PDE4D: variants seen among roughly 807,000 people sequenced by gnomAD.
PDE4D encodes phosphodiesterase 4D, also known as 3',5'-cyclic-AMP phosphodiesterase 4D.
Under a neutral mutation model 87.4 loss-of-function variants are expected in PDE4D, and 24 were observed. The ratio of observed to expected loss-of-function variants is 0.27; its 90% CI spans 0.20 to 0.39. PDE4D has a LOEUF of 0.39. PDE4D is among the 10% of genes least tolerant of loss of function. The pLI is 1.00. For missense variants in PDE4D, 714 were observed against 1,041.0 expected, an observed-to-expected ratio of 0.69 and a Z score of 4.32; for synonymous variants, 384 against 383.2, an observed-to-expected ratio of 1.00 and a Z score of -0.02.
chr5:59,331,913 C>T (rs577724397), intron 1 of PDE4D, among the ~76,000 whole-genome samples: 5 of 152,320 alleles, frequency 3.3e-5, no homozygotes, highest in African/African-American at 1.2e-4. Flanking sequence ...CAGCTTTTCT[C>T]AGTCTGAGAT....
intron 1 of PDE4D, among the ~76,000 whole-genome samples, chr5:59,443,209 C>G (rs2153637000): frequency 6.6e-6 from 1 of 152,176 alleles, no homozygotes; most frequent in East Asian, 1.9e-4. Context: ...TAAACTAATT[C>G]AGTTTACACA....
intron 1 of PDE4D, among the ~76,000 whole-genome samples, chr5:59,247,133 T>C (rs546165603): frequency 2.4e-4 from 37 of 152,306 alleles, no homozygotes; most frequent in Non-Finnish European, 3.2e-4. Context: ...CACAGTCTAA[T>C]TGAAATAAAT....
intron 1 of PDE4D, among the ~76,000 whole-genome samples, chr5:59,464,139 T>TGTG (rs1349552981): frequency 6.6e-6 from 1 of 152,124 alleles, no homozygotes; most frequent in East Asian, 1.9e-4. Context: ...TTTCTCCCCA[T>TGTG]GTGATAGTCT....
intron 5 of PDE4D, among the ~76,000 whole-genome samples, chr5:59,152,979 T>C (rs747803615): frequency 6.6e-6 from 1 of 152,054 alleles, no homozygotes; most frequent in African/African-American, 2.4e-5. Flanking sequence ...AGATAAAGTA[T>C]GAGAAAGAGA....
intron 1 of PDE4D, among the ~76,000 whole-genome samples, chr5:59,414,386 A>T (rs1318726789): frequency 6.6e-6 from 1 of 152,218 alleles, no homozygotes; most frequent in Non-Finnish European, 1.5e-5. Context: ...AGTCTTCATC[A>T]TGGAAGAGGG....
intron 1 of PDE4D, among the ~76,000 whole-genome samples, chr5:59,618,245 C>T (rs957872050): frequency 5.3e-5 from 8 of 152,032 alleles, no homozygotes; most frequent in Admixed American, 1.3e-4. Flanking sequence ...GGCAGACATC[C>T]TTTTAAAAGA....
intron 1 of PDE4D, among the ~76,000 whole-genome samples, chr5:59,439,942 T>C (rs892317054): frequency 1.3e-5 from 2 of 152,202 alleles, no homozygotes; most frequent in Admixed American, 6.5e-5. Flanking sequence ...ATACCTTCAA[T>C]AGATATTAGC....
intron 5 of PDE4D, among the ~76,000 whole-genome samples, chr5:59,145,735 G>T (rs1419220874): frequency 2.0e-5 from 3 of 152,144 alleles, no homozygotes; most frequent in Non-Finnish European, 4.4e-5. Context: ...ATAATTCCAT[G>T]TCTGCGAAAT....
At chr5:60,066,890 T>C (rs1159672701) in intron 2 of PDE4D, among the ~76,000 whole-genome samples, 2 of 152,126 alleles carry the variant, frequency 1.3e-5, no homozygotes, top group East Asian at 3.9e-4. Context: ...ATACAGCATT[T>C]TACTGTCACA....
rs138592123 is a variant in PDE4D, at chr5:59,800,808, C to T, written c.455+92360G>A. Among the ~76,000 whole-genome samples, 39 of 152,214 alleles carry T rather than the reference C, an allele frequency of 2.6e-4. No individual in the cohort carries two copies. The East Asian group carries it at 6.8e-3, about 26-fold the overall frequency. On this transcript the variant is annotated intron_variant, in intron 1 of 14. Transcript: ENST00000340635. The stretch of plus-strand genomic sequence containing the variant: ...TTCTAAGACTCACTTTCTAAAAATA[C>T]GCAAATATGTAAATTGTTGCTCTTC...
chr5:60,299,725 A>G (rs1266703791), intron 1 of PDE4D, among the ~76,000 whole-genome samples: 2 of 152,314 alleles, frequency 1.3e-5, no homozygotes, highest in East Asian at 3.9e-4. Context: ...TGCAAAGGAC[A>G]TGAACTCATC....
chr5:59,208,026 G>T (rs954352633), intron 2 of PDE4D, among the ~76,000 whole-genome samples: 1 of 151,840 alleles, frequency 6.6e-6, no homozygotes, highest in African/African-American at 2.4e-5. Flanking sequence ...AATCAGCCAG[G>T]CACGGTGGCA....
intron 1 of PDE4D, among the ~76,000 whole-genome samples, chr5:59,863,002 T>C (rs1746503072): frequency 6.6e-6 from 1 of 152,198 alleles, no homozygotes; most frequent in Non-Finnish European, 1.5e-5. Context: ...AGCAGTATAT[T>C]TTCTAGGGAG....
chr5:59,545,153 C>A (rs1817049544), intron 1 of PDE4D, among the ~76,000 whole-genome samples: 1 of 152,076 alleles, frequency 6.6e-6, no homozygotes, highest in East Asian at 1.9e-4. Context: ...CTTTTATTTG[C>A]CAGTCTTCCT....
intron 1 of PDE4D, among the ~76,000 whole-genome samples, chr5:59,786,150 G>A (rs1385285810): frequency 6.6e-6 from 1 of 152,110 alleles, no homozygotes; most frequent in African/African-American, 2.4e-5. Flanking sequence ...GCATACATGT[G>A]TCTGGAAAGT....
chr5:60,110,822 C>CA (rs900581726), intron 2 of PDE4D, among the ~76,000 whole-genome samples: 1 of 151,984 alleles, frequency 6.6e-6, no homozygotes, highest in African/African-American at 2.4e-5. Context: ...TATTCAGCCA[C>CA]AAAAAGATAA....
intron 3 of PDE4D, among the ~76,000 whole-genome samples, chr5:59,944,796 C>T (rs1029393723): frequency 6.6e-6 from 1 of 152,078 alleles, no homozygotes; most frequent in African/African-American, 2.4e-5. Flanking sequence ...TCTTCCTTTC[C>T]CCTTTCTACT....
chr5:59,012,416 T>G (rs1410511875), intron 6 of PDE4D, among the ~76,000 whole-genome samples: 2 of 152,116 alleles, frequency 1.3e-5, no homozygotes, highest in African/African-American at 4.8e-5. Flanking sequence ...CCATCTCACA[T>G]GCAGAGAGAC....
intron 2 of PDE4D, among the ~76,000 whole-genome samples, chr5:60,073,492 GTTTTT>G (rs70975364): frequency 1.4e-5 from 2 of 141,910 alleles, no homozygotes; most frequent in Admixed American, 1.4e-4. Flanking sequence ...TTTGCCAGGT[GTTTTT>G]TTTTTTTTTT....
Sources: allele counts gnomAD v4.1 joint callset (sites outside exome capture counted in the v4.1 genomes callset), GRCh38; gene constraint gnomAD v4.1.1; transcripts MANE v1.5; gene names NCBI Gene and HGNC (gene_info 2026-07-23, HGNC 2026-07-21).